Variants in RIMS2 observed in about 807,000 individuals in gnomAD.
The protein encoded by RIMS2 is regulating synaptic membrane exocytosis protein 2.
Under a neutral mutation model 174.4 loss-of-function variants are expected in RIMS2, and 59 were observed. That is an observed-to-expected ratio of 0.34 (90% confidence interval 0.27 to 0.42). RIMS2 has a LOEUF of 0.42. Among genes scored for constraint, RIMS2 ranks in the 10% least tolerant of loss-of-function variants. The pLI, the probability that RIMS2 is intolerant of heterozygous loss-of-function variation, is 1.00. For synonymous variants in RIMS2, 606 were observed against 572.5 expected, an observed-to-expected ratio of 1.06 and a Z score of -0.84; for missense variants, 1,620 against 1,666.3, an observed-to-expected ratio of 0.97 and a Z score of 0.48.
intron 19 of RIMS2, among the ~76,000 whole-genome samples, chr8:104,018,978 G>A (rs2096007063): frequency 6.6e-6 from 1 of 151,900 alleles, no homozygotes; most frequent in African/African-American, 2.4e-5. Context: ...GTTCTTGAAA[G>A]GATTTTAAAA....
chr8:103,866,380 G>A (rs1163385830), intron 3 of RIMS2, among the ~76,000 whole-genome samples: 1 of 152,078 alleles, frequency 6.6e-6, no homozygotes, highest in Non-Finnish European at 1.5e-5. Flanking sequence ...GCGTTTCTGA[G>A]AATAAAACAA....
At chr8:103,503,453 A>G (rs1296580693) in intron 1 of RIMS2, among the ~76,000 whole-genome samples, 1 of 152,000 alleles carries the variant, frequency 6.6e-6, no homozygotes, top group Admixed American at 6.5e-5. Flanking sequence ...AAGAAAAATA[A>G]TACTAACGGT....
chr8:104,126,956 G>T (rs992131247), intron 19 of RIMS2, among the ~76,000 whole-genome samples: 1 of 152,146 alleles, frequency 6.6e-6, no homozygotes, highest in Admixed American at 6.5e-5. Context: ...GTTTTCATCA[G>T]TGCTACCCTA....
At chr8:104,152,455 A>G (rs1302212574) in intron 19 of RIMS2, among the ~76,000 whole-genome samples, 1 of 152,080 alleles carries the variant, frequency 6.6e-6, no homozygotes, top group Non-Finnish European at 1.5e-5. Context: ...TGGATTTCAA[A>G]CTTCCAATGG....
chr8:103,907,400 A>G (rs887490855), intron 4 of RIMS2, among the ~76,000 whole-genome samples: 4 of 152,322 alleles, frequency 2.6e-5, no homozygotes, highest in East Asian at 1.9e-4. Context: ...GCCAAATCCA[A>G]TGCATATTTT....
intron 3 of RIMS2, among the ~76,000 whole-genome samples, chr8:103,868,397 A>T (rs1416603320): frequency 1.3e-5 from 2 of 151,538 alleles, no homozygotes; most frequent in Non-Finnish European, 2.9e-5. Context: ...TACAATATAG[A>T]CTCTTTACTC....
intron 19 of RIMS2, among the ~76,000 whole-genome samples, chr8:104,185,111 T>G (rs1056713620): frequency 6.6e-6 from 1 of 151,532 alleles, no homozygotes; most frequent in African/African-American, 2.4e-5. Context: ...TATGAATAAA[T>G]GAAACTGTTT....
intron 19 of RIMS2, among the ~76,000 whole-genome samples, chr8:104,115,790 C>T (rs1020488612): frequency 1.3e-5 from 2 of 152,036 alleles, no homozygotes; most frequent in Admixed American, 1.3e-4. Flanking sequence ...ATGTATGCAC[C>T]CATTAAAGGG....
At chr8:103,978,617 A>G (rs2093644706) in intron 16 of RIMS2, among the ~76,000 whole-genome samples, 1 of 152,266 alleles carries the variant, frequency 6.6e-6, no homozygotes, top group African/African-American at 2.4e-5. Flanking sequence ...CTAAGGCATT[A>G]TAAAAACTAA....
chr8:103,906,610 TG>T (rs1287676832), intron 4 of RIMS2, among the ~76,000 whole-genome samples: 1 of 152,224 alleles, frequency 6.6e-6, no homozygotes, highest in African/African-American at 2.4e-5. Flanking sequence ...AAACAGCTTA[TG>T]TTTTTTTATT....
At chr8:103,824,551 T>C (rs1324853804) in intron 3 of RIMS2, among the ~76,000 whole-genome samples, 1 of 152,226 alleles carries the variant, frequency 6.6e-6, no homozygotes, top group Non-Finnish European at 1.5e-5. Flanking sequence ...TTAAAAATTA[T>C]AGTATCTTAA....
chr8:103,922,409 T>C (rs2154529800), intron 10 of RIMS2, among the ~76,000 whole-genome samples: 2 of 152,192 alleles, frequency 1.3e-5, no homozygotes, highest in East Asian at 3.9e-4. Context: ...ATTGTGTTGA[T>C]ATTAGAGAAA....
At chr8:103,987,257 A>G (rs1198890635) in intron 16 of RIMS2, among the ~76,000 whole-genome samples, 4 of 152,102 alleles carry the variant, frequency 2.6e-5, no homozygotes, top group African/African-American at 9.7e-5. Context: ...TACCGGGACT[A>G]TGTGCCTCTG....
At chr8:104,074,933 G>T (rs1474841400) in intron 19 of RIMS2, among the ~76,000 whole-genome samples, 1 of 152,094 alleles carries the variant, frequency 6.6e-6, no homozygotes, top group Non-Finnish European at 1.5e-5. Flanking sequence ...ATGTAGATTA[G>T]ATAGCCTTAT....
intron 13 of RIMS2, among the ~76,000 whole-genome samples, chr8:103,938,081 A>G (rs1396692152): frequency 6.6e-6 from 1 of 152,144 alleles, no homozygotes; most frequent in African/African-American, 2.4e-5. Context: ...TTAAAAAGAA[A>G]ATGGTTCGAT....
At chr8:104,098,576 T>C (rs896408984) in intron 19 of RIMS2, among the ~76,000 whole-genome samples, 4 of 152,200 alleles carry the variant, frequency 2.6e-5, no homozygotes, top group Non-Finnish European at 5.9e-5. Flanking sequence ...ATAAATGCTA[T>C]GGAATTATCA....
intron 19 of RIMS2, among the ~76,000 whole-genome samples, chr8:104,202,890 A>G (rs1184306722): frequency 6.6e-6 from 1 of 152,250 alleles, no homozygotes; most frequent in African/African-American, 2.4e-5. Flanking sequence ...CCAGTTAAGT[A>G]GGAATAAGTA....
At chr8:104,068,570 A>G (rs1341224218) in intron 19 of RIMS2, 3 of 1,572,976 alleles carry the variant, frequency 1.9e-6, no homozygotes, top group Non-Finnish European at 2.6e-6. Context: ...ACAAACAGGT[A>G]GCCGGATCAG....
chr8:104,092,643 C>T (rs2097682834), intron 19 of RIMS2, among the ~76,000 whole-genome samples: 1 of 151,774 alleles, frequency 6.6e-6, no homozygotes, highest in African/African-American at 2.4e-5. Flanking sequence ...ATGATCTGCT[C>T]AAATTTACTC....
Sources: gnomAD v4.1 joint callset for allele counts (sites outside exome capture counted in the v4.1 genomes callset) on GRCh38, gnomAD v4.1.1 for gene constraint, MANE v1.5 for transcripts, NCBI Gene and HGNC (gene_info 2026-07-23, HGNC 2026-07-21) for gene names.